Variants in OR2L13 observed in about 807,000 individuals in gnomAD.
OR2L13 encodes olfactory receptor 2L13.
Under a neutral mutation model 15.3 loss-of-function variants are expected in OR2L13, and 14 were observed. The observed-to-expected ratio is 0.91, with a 90% CI of 0.60 to 1.43. The LOEUF (loss-of-function observed/expected upper bound fraction) is 1.43, where lower values mean the gene tolerates loss of function less well. Among genes scored for constraint, OR2L13 ranks in the 40% most tolerant of loss-of-function variants. The pLI, the probability that OR2L13 is intolerant of heterozygous loss-of-function variation, is 0.00. For synonymous variants in OR2L13, 152 were observed against 142.9 expected, an observed-to-expected ratio of 1.06 and a Z score of -0.45; for missense variants, 367 against 387.9, an observed-to-expected ratio of 0.95 and a Z score of 0.45.
chr1:248,032,581 T>TAA, the OR2L13 span, among the ~76,000 whole-genome samples: 1 of 152,200 alleles, frequency 6.6e-6, no homozygotes, highest in Admixed American at 6.5e-5. Flanking sequence ...CTACTCTGGG[T>TAA]ACTTCCTGTA....
At chr1:247,990,468 A>C in the OR2L13 span, 6 of 1,577,800 alleles carry the variant, frequency 3.8e-6, no homozygotes, top group African/African-American at 8.1e-5. Context: ...GCTCTCCCTC[A>C]TTGACCTAAA....
chr1:247,942,630 CAGAGA>C, the OR2L13 span, among the ~76,000 whole-genome samples: 1 of 152,092 alleles, frequency 6.6e-6, no homozygotes, highest in South Asian at 2.1e-4. Flanking sequence ...AATTGCTCTG[CAGAGA>C]AGCAGAAACC....
chr1:248,039,262 C>T, the OR2L13 span: 6 of 1,479,270 alleles, frequency 4.1e-6, no homozygotes, highest in Non-Finnish European at 5.5e-6. Context: ...TAGTAGTGTA[C>T]AGCAGTGAAG....
At chr1:248,055,214 T>A in the OR2L13 span, among the ~76,000 whole-genome samples, 2 of 152,192 alleles carry the variant, frequency 1.3e-5, no homozygotes. Flanking sequence ...TTTTTGTCTT[T>A]AGTTCTGTTT....
the OR2L13 span, among the ~76,000 whole-genome samples, chr1:247,982,554 A>G: frequency 6.6e-6 from 1 of 152,206 alleles, no homozygotes; most frequent in African/African-American, 2.4e-5. Context: ...AATTTTAATT[A>G]TTATGCTGAA....
the OR2L13 span, among the ~76,000 whole-genome samples, chr1:248,031,738 G>A: frequency 6.6e-6 from 1 of 152,284 alleles, no homozygotes; most frequent in East Asian, 1.9e-4. Context: ...CTTGTAGAAT[G>A]TGTCTGGTGG....
the OR2L13 span, chr1:247,965,594 A>T: frequency 4.1e-5 from 65 of 1,586,648 alleles, no homozygotes; most frequent in Non-Finnish European, 5.4e-5. Context: ...GACCTCATGT[A>T]CATCTCCACC....
chr1:248,031,580 T>C, the OR2L13 span, among the ~76,000 whole-genome samples: 1 of 152,148 alleles, frequency 6.6e-6, no homozygotes, highest in Non-Finnish European at 1.5e-5. Flanking sequence ...GTATTTTCTA[T>C]CCAATGGTCT....
At chr1:248,068,323 CAGT>C in the OR2L13 span, among the ~76,000 whole-genome samples, 1 of 152,042 alleles carries the variant, frequency 6.6e-6, no homozygotes, top group Admixed American at 6.6e-5. Context: ...GATCAGACAG[CAGT>C]ATTCGCGGTT....
chr1:248,057,887 C>G, the OR2L13 span, among the ~76,000 whole-genome samples: 5 of 152,202 alleles, frequency 3.3e-5, no homozygotes, highest in African/African-American at 1.2e-4. Context: ...CCTAAGTTTT[C>G]TACATATATA....
the OR2L13 span, chr1:248,039,266 A>G: frequency 1.4e-6 from 2 of 1,467,398 alleles, no homozygotes; most frequent in East Asian, 2.3e-5. Context: ...AGTGTACAGC[A>G]GTGAAGAAAA....
the OR2L13 span, among the ~76,000 whole-genome samples, chr1:247,941,478 G>A: frequency 6.6e-6 from 1 of 152,132 alleles, no homozygotes; most frequent in Non-Finnish European, 1.5e-5. Context: ...TCATTGTAAA[G>A]GAGATATGGA....
the OR2L13 span, among the ~76,000 whole-genome samples, chr1:247,956,918 C>T: frequency 7.6e-4 from 116 of 152,130 alleles, no homozygotes; most frequent in African/African-American, 2.6e-3. Context: ...CCTCTTTTCC[C>T]AGTTGAATCC....
At chr1:247,990,527 G>A in the OR2L13 span, 4 of 1,573,290 alleles carry the variant, frequency 2.5e-6, no homozygotes, top group South Asian at 4.4e-5. Flanking sequence ...TTTCTGTATG[G>A]AAACAAGTCT....
chr1:247,961,113 A>G, the OR2L13 span, among the ~76,000 whole-genome samples: 1 of 152,200 alleles, frequency 6.6e-6, no homozygotes, highest in Non-Finnish European at 1.5e-5. Flanking sequence ...ATTGAGATAT[A>G]AAAGAAACAT....
At chr1:247,975,455 C>T in the OR2L13 span, 4 of 762,472 alleles carry the variant, frequency 5.2e-6, no homozygotes, top group Admixed American at 5.2e-5. Flanking sequence ...ACCCACCTCA[C>T]TGTAGTAATT....
chr1:247,938,738 G>C, the OR2L13 span, among the ~76,000 whole-genome samples: 4 of 152,154 alleles, frequency 2.6e-5, no homozygotes, highest in African/African-American at 9.7e-5. Flanking sequence ...GTGTGGGATT[G>C]TAAAGCATAC....
the OR2L13 span, among the ~76,000 whole-genome samples, chr1:247,967,356 A>G: frequency 0.96 from 146,748 of 152,110 alleles, 70,974 homozygotes; most frequent in East Asian, 1. Flanking sequence ...AGGCTCCCAA[A>G]TAGTTGAGAT....
chr1:248,037,908 C>T, the OR2L13 span, among the ~76,000 whole-genome samples: 6 of 152,170 alleles, frequency 3.9e-5, no homozygotes, highest in Non-Finnish European at 7.4e-5. Flanking sequence ...ATCATGTAGA[C>T]ATTTTGATTT....
Sources: gnomAD v4.1 joint callset for allele counts (sites outside exome capture counted in the v4.1 genomes callset) on GRCh38, gnomAD v4.1.1 for gene constraint, MANE v1.5 for transcripts, NCBI Gene and HGNC (gene_info 2026-07-23, HGNC 2026-07-21) for gene names.